The following MAP2 variants were observed in gnomAD, a reference collection of about 807,000 sequenced individuals.
The protein encoded by MAP2 is microtubule associated protein 2.
In MAP2, 14 loss-of-function variants were observed where a neutral mutation model predicts 137.6. The observed-to-expected ratio is 0.10, with a 90% CI of 0.07 to 0.16. MAP2 has a LOEUF of 0.16. Among genes scored for constraint, MAP2 ranks in the 10% least tolerant of loss-of-function variants. The probability of loss-of-function intolerance (pLI) is 1.00; values close to 1 mark genes in which losing one functional copy is unlikely to be tolerated. For missense variants in MAP2, 2,088 were observed against 2,191.5 expected (o/e 0.95, Z 0.94); for synonymous variants, 786 against 782.3 (o/e 1.00, Z -0.08).
Position 209,537,681 on chromosome 2 carries a change from C to A in MAP2, c.-172+30040C>A, listed in dbSNP as rs373504903. On this transcript the variant is annotated intron_variant, in intron 2 of 15. Coordinates refer to ENST00000682079, the MANE Select transcript of MAP2 (RefSeq NM_001375505.1). ...ATTCTTTTAATATTTGGTTTGTAAT[C>A]AAGTCAAGTCATTTTAAAGGTCTGA... Among the ~76,000 whole-genome samples, 41 of 152,236 alleles carry A rather than the reference C, an allele frequency of 2.7e-4. No homozygotes were observed. The South Asian group carries it at 8.5e-3, about 32-fold the overall frequency.
chr2:209,592,742 C>A (rs2079587695), intron 3 of MAP2, among the ~76,000 whole-genome samples: 1 of 152,024 alleles, frequency 6.6e-6, no homozygotes, highest in African/African-American at 2.4e-5. Flanking sequence ...AATGATGTGT[C>A]CAGATGAAGG....
At chr2:209,553,082 G>C (rs1192516264) in intron 2 of MAP2, among the ~76,000 whole-genome samples, 1 of 151,504 alleles carries the variant, frequency 6.6e-6, no homozygotes, top group Non-Finnish European at 1.5e-5. Context: ...CACGATCTCG[G>C]CTCACTGCAA....
chr2:209,559,605 C>A (rs1240994090), intron 2 of MAP2, among the ~76,000 whole-genome samples: 1 of 150,902 alleles, frequency 6.6e-6, no homozygotes, highest in Non-Finnish European at 1.5e-5. Context: ...GAGCCAAGAT[C>A]ATGCCACTGC....
chr2:209,504,609 C>A (rs1259544057), intron 1 of MAP2, among the ~76,000 whole-genome samples: 1 of 152,162 alleles, frequency 6.6e-6, no homozygotes, highest in East Asian at 1.9e-4. Context: ...TTGTATGAGA[C>A]ACCATGCAAG....
At chr2:209,446,609 T>C (rs1384472564) in intron 1 of MAP2, among the ~76,000 whole-genome samples, 1 of 151,866 alleles carries the variant, frequency 6.6e-6, no homozygotes, top group Non-Finnish European at 1.5e-5. Context: ...TTTATGGTAA[T>C]ACCAAAAGCA....
chr2:209,572,745 T>C (rs1227238772), intron 2 of MAP2, among the ~76,000 whole-genome samples: 1 of 152,202 alleles, frequency 6.6e-6, no homozygotes, highest in African/African-American at 2.4e-5. Context: ...CATGAGTTTC[T>C]CAACATACAG....
chr2:209,541,663 A>G (rs997442355), intron 2 of MAP2, among the ~76,000 whole-genome samples: 6 of 152,298 alleles, frequency 3.9e-5, no homozygotes, highest in African/African-American at 1.4e-4. Flanking sequence ...TGTTCATAGC[A>G]TCTTTACCAG....
intron 1 of MAP2, among the ~76,000 whole-genome samples, chr2:209,500,297 G>A (rs2060219785): frequency 2.0e-5 from 3 of 152,126 alleles, no homozygotes; most frequent in Non-Finnish European, 2.9e-5. Flanking sequence ...CCTATATAGA[G>A]CCAACTTAGC....
chr2:209,427,735 A>G (rs1692967252), intron 1 of MAP2, among the ~76,000 whole-genome samples: 1 of 152,210 alleles, frequency 6.6e-6, no homozygotes, highest in South Asian at 2.1e-4. Context: ...TCAATTGCAG[A>G]AAATGATTCT....
rs2059566923 is a variant in MAP2 at position 209,693,905 on chromosome 2, AAAG to A, written c.1742_1744del (p.Glu581del). The A allele has an allele frequency of 2.5e-6, 4 of 1,611,090 alleles. No homozygotes were observed. Among genetic ancestry groups the A allele is most frequent in the African/African-American group, 1.3e-5 (1 of 74,784 alleles). ...CAAGTACTTTGAAACATCTGCCTTG[AAAG>A]AAGAAGCAACAAAAAGCATTGAGCC... On this transcript the variant is annotated inframe_deletion, in exon 8 of 16. Coordinates refer to ENST00000682079, the MANE Select transcript of MAP2 (RefSeq NM_001375505.1).
rs563531877 is a variant in MAP2, at chr2:209,710,446, A to G, written c.5073+192A>G. On this transcript the variant is annotated intron_variant, in intron 13 of 15. Coordinates refer to ENST00000682079, the MANE Select transcript of MAP2 (RefSeq NM_001375505.1). The stretch of plus-strand genomic sequence containing the variant: ...ACAACGAAAATCACATGACATGCCC[A>G]TTCCTTCTGTTTGTTACTGGGTAAA... 5.1e-5 allele frequency: 29 copies of G among 572,994 alleles called. No homozygotes were observed. The Admixed American group carries it at 7.3e-4, about 14-fold the overall frequency. The allele number at this position is 572,994 out of a possible 1,614,324, so 35.5% of individuals were successfully genotyped here.
At chr2:209,602,506 G>A (rs918547826) in intron 3 of MAP2, among the ~76,000 whole-genome samples, 50 of 152,136 alleles carry the variant, frequency 3.3e-4, no homozygotes, top group Admixed American at 2.3e-3. Context: ...CAATAGATTA[G>A]AATCCCAGCA....
intron 5 of MAP2, among the ~76,000 whole-genome samples, chr2:209,675,395 A>T (rs986436765): frequency 6.6e-6 from 1 of 151,892 alleles, no homozygotes; most frequent in Non-Finnish European, 1.5e-5. Flanking sequence ...TCCCATCTAC[A>T]ATAAATGATA....
chr2:209,726,857 C>T (rs1461079935), intron 14 of MAP2, among the ~76,000 whole-genome samples: 1 of 152,148 alleles, frequency 6.6e-6, no homozygotes, highest in Non-Finnish European at 1.5e-5. Context: ...TCATTTATCC[C>T]TTTGAGAACA....
intron 7 of MAP2, among the ~76,000 whole-genome samples, chr2:209,687,981 CT>C (rs1326697391): frequency 6.6e-6 from 1 of 152,148 alleles, no homozygotes; most frequent in African/African-American, 2.4e-5. Flanking sequence ...GCATGGTCCC[CT>C]TTTGCTCCTC....
chr2:209,429,441 TGTTA>T (rs1693638715), intron 1 of MAP2, among the ~76,000 whole-genome samples: 1 of 152,152 alleles, frequency 6.6e-6, no homozygotes, highest in Non-Finnish European at 1.5e-5. Context: ...ATTGTCTTTA[TGTTA>T]GTTAACTAGT....
chr2:209,652,805 G>A (rs1010279751), intron 4 of MAP2, among the ~76,000 whole-genome samples: 7 of 152,022 alleles, frequency 4.6e-5, no homozygotes, highest in African/African-American at 1.7e-4. Flanking sequence ...TTAAATGAAA[G>A]TTCATTAAGA....
chr2:209,438,089 T>G (rs1453625511), intron 1 of MAP2, among the ~76,000 whole-genome samples: 5 of 151,672 alleles, frequency 3.3e-5, no homozygotes, highest in African/African-American at 4.8e-5. Flanking sequence ...ATATATAAAG[T>G]ATCTCGAATA....
At chr2:209,449,882 T>A (rs1209707877) in intron 1 of MAP2, among the ~76,000 whole-genome samples, 9 of 152,186 alleles carry the variant, frequency 5.9e-5, no homozygotes. Context: ...ATCTTCCATT[T>A]GTTCTTTATG....
Sources: gnomAD v4.1 joint callset for allele counts (sites outside exome capture counted in the v4.1 genomes callset) on GRCh38, gnomAD v4.1.1 for gene constraint, MANE v1.5 for transcripts, NCBI Gene and HGNC (gene_info 2026-07-23, HGNC 2026-07-21) for gene names.